Variants in CCNB2 observed in about 807,000 individuals in gnomAD.
CCNB2 encodes cyclin B2, also known as G2/mitotic-specific cyclin-B2.
A neutral mutation model predicts 51.1 loss-of-function variants in CCNB2; 39 were observed. That is an observed-to-expected ratio of 0.76 (90% confidence interval 0.59 to 1.00). CCNB2 has a LOEUF of 1.00. Among genes scored for constraint, CCNB2 ranks in the 50% least tolerant of loss-of-function variants. CCNB2 has a pLI of 0.00. For synonymous variants in CCNB2, 174 were observed against 165.5 expected (o/e 1.05, Z -0.40); for missense variants, 472 against 470.3 (o/e 1.00, Z -0.03).
At chr15:59,108,021 C>T (rs552921520) in intron 3 of CCNB2, among the ~76,000 whole-genome samples, 67 of 151,898 alleles carry the variant, frequency 4.4e-4, no homozygotes, top group African/African-American at 1.4e-3. Context: ...ATAAATATTA[C>T]GACCCTGAAT....
rs1056912286 is a variant in CCNB2 at position 59,118,670 on chromosome 15, C to T, written c.975+1302C>T. Among the ~76,000 whole-genome samples, 3 of 152,150 alleles carry T rather than the reference C, an allele frequency of 2.0e-5. No individual in the cohort carries two copies. The East Asian group carries it at 5.8e-4, about 29-fold the overall frequency. ...CTGCACTCCAGCCTGGCGGACAGGG[C>T]GAGACTCTGTCTCCAAAAAAAATAT... On this transcript the variant is annotated intron_variant, in intron 7 of 8. Transcript: ENST00000288207.
intron 3 of CCNB2, among the ~76,000 whole-genome samples, chr15:59,112,305 A>G (rs1316925862): frequency 6.6e-6 from 1 of 151,760 alleles, no homozygotes; most frequent in Non-Finnish European, 1.5e-5. Context: ...GCATCCTCGA[A>G]GACTGGAAAT....
chr15:59,122,392 T>A (rs1209627870), intron 7 of CCNB2, among the ~76,000 whole-genome samples: 1 of 151,320 alleles, frequency 6.6e-6, no homozygotes, highest in East Asian at 1.9e-4. Context: ...GCCCGGGGAA[T>A]TTATGTATTT....
chr15:59,105,160 C>A lies in CCNB2; in HGVS notation c.-109C>A. The A allele has an allele frequency of 2.9e-6, 3 of 1,031,344 alleles. No homozygotes were observed. The highest frequency in any genetic ancestry group is 4.2e-6 in the Non-Finnish European group (3 of 706,108). 63.9% of individuals were successfully genotyped at this position (1,031,344 alleles called of 1,614,324 possible). ...GCTACAGCGTCGAAGATCCCCAGCG[C>A]TGCGGGCTCGGAGAGCAGTCCTAAC... On this transcript the variant is annotated 5_prime_UTR_variant, in exon 1 of 9. In the 5' UTR this introduces an upstream ATG that the reference lacks. Coordinates refer to ENST00000288207, the MANE Select transcript of CCNB2 (RefSeq NM_004701.4).
chr15:59,105,292 G>C lies in CCNB2; in HGVS notation c.24G>C (p.Thr8=). The C allele has an allele frequency of 6.4e-7, 1 of 1,563,370 alleles. No homozygotes were observed. Among genetic ancestry groups the C allele is most frequent in the South Asian group, 1.2e-5 (1 of 85,404 alleles). Reference sequence around the variant, plus strand: ...TCATGGCGCTGCTCCGACGCCCGACGGTGAGTGTGCCCGGGGACCGCTCTC... The same window carrying C: ...TCATGGCGCTGCTCCGACGCCCGACCGTGAGTGTGCCCGGGGACCGCTCTC... MALLRRP[T]VSSDLENIDT... is the part of the protein sequence containing the mutation. The change falls in exon 1 of 9, where the codon ACG becomes ACC. Residue 8 remains threonine, a splice_region_variant and synonymous_variant. Transcript: ENST00000288207.
Position 59,124,860 on chromosome 15 carries a change from C to T in CCNB2, c.1180C>T (p.Leu394=), listed in dbSNP as rs1273629540. Residue 394 remains leucine (L), a synonymous_variant, in exon 9 of 9, where the codon CTG becomes TTG. Coordinates refer to ENST00000288207, the MANE Select transcript of CCNB2 (RefSeq NM_004701.4). Reference sequence around the variant, plus strand: ...AGCCGTCAAAGACCTTGCCTCCCCACTGATAGGAAGGTCCTAGGCTGCCGT... The same window carrying T: ...AGCCGTCAAAGACCTTGCCTCCCCATTGATAGGAAGGTCCTAGGCTGCCGT... ...SKAVKDLASP[L]IGRS The T allele has an allele frequency of 1.3e-6, 2 of 1,595,812 alleles. No homozygotes were observed. Among genetic ancestry groups the T allele is most frequent in the Admixed American group, 3.5e-5 (2 of 57,664 alleles).
At chr15:59,113,843 G>A (rs1209701936) in intron 3 of CCNB2, among the ~76,000 whole-genome samples, 3 of 152,148 alleles carry the variant, frequency 2.0e-5, no homozygotes, top group Non-Finnish European at 4.4e-5. Flanking sequence ...GGGACTACAG[G>A]GGCGCACCAT....
At chr15:59,105,673 C>A (rs1206339939) in intron 1 of CCNB2, among the ~76,000 whole-genome samples, 2 of 152,218 alleles carry the variant, frequency 1.3e-5, no homozygotes, top group Non-Finnish European at 2.9e-5. Flanking sequence ...TTTCTTACAA[C>A]TCCTTGCCAA....
rs2079308316 is a variant in CCNB2 at position 59,122,672 on chromosome 15, G to A, written c.976-845G>A. Among the ~76,000 whole-genome samples, 3 of 151,798 alleles carry A rather than the reference G, an allele frequency of 2.0e-5. 1 individual carries two copies. Among genetic ancestry groups the A allele is most frequent in the South Asian group, 4.2e-4 (2 of 4,788 alleles). Reference sequence around the variant, plus strand: ...CCTCCTCAGCTCCTCAAGTAACTGGGACTATAGGTGTACACCACCAAGCTT... The same window carrying A: ...CCTCCTCAGCTCCTCAAGTAACTGGAACTATAGGTGTACACCACCAAGCTT... On this transcript the variant is annotated intron_variant, in intron 7 of 8. Transcript: ENST00000288207.
At position 59,107,302 on chromosome 15, in the gene CCNB2, C is replaced by CTTTTT; in HGVS notation, c.25-8_25-4dup. The stretch of plus-strand genomic sequence containing the variant: ...TTCAAATTCTTTCAAGGTTTCATTA[C>CTTTTT]TTTTTTTTTTTTTTTTCAGGTGTCC... On this transcript the variant is annotated intron_variant, in intron 1 of 8. Coordinates refer to ENST00000288207, the MANE Select transcript of CCNB2 (RefSeq NM_004701.4). 16 of 1,387,910 alleles carry CTTTTT rather than the reference C, an allele frequency of 1.2e-5. No homozygotes were observed. The highest frequency in any genetic ancestry group is 7.2e-5 in the Admixed American group (3 of 41,736). The allele number at this position is 1,387,910 out of a possible 1,614,324, so 86.0% of individuals were successfully genotyped here. A position where few individuals can be genotyped will look rare whatever the true frequency, so the allele number is the denominator to read the frequency against.
chr15:59,108,359 TGAG>T (rs1267985496), intron 3 of CCNB2, among the ~76,000 whole-genome samples: 1 of 152,204 alleles, frequency 6.6e-6, no homozygotes, highest in African/African-American at 2.4e-5. Flanking sequence ...AACAAAGTTT[TGAG>T]GAGTACCGAA....
chr15:59,105,311 C>G lies in CCNB2; in HGVS notation c.24+19C>G, dbSNP rs1396074981. 3 of 1,555,310 alleles carry G rather than the reference C, an allele frequency of 1.9e-6. No individual in the cohort carries two copies. Among genetic ancestry groups the G allele is most frequent in the Non-Finnish European group, 2.6e-6 (3 of 1,153,842 alleles). On this transcript the variant is annotated intron_variant, in intron 1 of 8. Transcript: ENST00000288207. ...CCCGACGGTGAGTGTGCCCGGGGAC[C>G]GCTCTCAGAGGCGAGTCCGTCGGCC...
At chr15:59,110,756 C>A (rs375166348) in intron 3 of CCNB2, among the ~76,000 whole-genome samples, 9 of 152,154 alleles carry the variant, frequency 5.9e-5, no homozygotes, top group African/African-American at 2.2e-4. Flanking sequence ...TGGCTGAGAC[C>A]TCGGAAGAGT....
At chr15:59,117,043 C>A in intron 6 of CCNB2, 117 bp downstream of exon 6, 1 of 991,372 alleles carries the variant, frequency 1.0e-6, no homozygotes, top group Non-Finnish European at 1.5e-6. Flanking sequence ...AGTCTTAATG[C>A]TTTCCTCATC....
chr15:59,123,753 C>G (rs563812356), intron 8 of CCNB2, 126 bp downstream of exon 8: 1 of 646,852 alleles, frequency 1.5e-6, no homozygotes, highest in Admixed American at 2.5e-5. Context: ...AGTTTTAGCA[C>G]AAATCCTTTA....
At chr15:59,120,439 A>G (rs2079297624) in intron 7 of CCNB2, among the ~76,000 whole-genome samples, 1 of 152,162 alleles carries the variant, frequency 6.6e-6, no homozygotes, top group South Asian at 2.1e-4. Context: ...GCATTGACCT[A>G]TGATTGCACC....
In CCNB2 at chr15:59,114,400, A is replaced by G. The variant is rs985921592; in HGVS notation, c.268-44A>G. On this transcript the variant is annotated intron_variant, in intron 3 of 8. Transcript: ENST00000288207. Reference sequence around the variant, plus strand: ...AAGCCAGTTGGCTCTGCATGTATTTATGGTTAAGGCTGCTCCTACATGTGC... The same window carrying G: ...AAGCCAGTTGGCTCTGCATGTATTTGTGGTTAAGGCTGCTCCTACATGTGC... The G allele has an allele frequency of 6.1e-6, 9 of 1,468,454 alleles. No homozygotes were observed. In the East Asian group the frequency reaches 1.8e-4, roughly 30 times the overall value. 91.0% of individuals were successfully genotyped at this position (1,468,454 alleles called of 1,614,324 possible).
At chr15:59,121,020 G>C (rs1424614798) in intron 7 of CCNB2, 2 of 147,416 alleles carry the variant, frequency 1.4e-5, no homozygotes, top group Non-Finnish European at 3.0e-5. Context: ...CATTTTAAAA[G>C]GAACTGCCTC....
At position 59,116,670 on chromosome 15, in the gene CCNB2, T is replaced by A; in HGVS notation, c.598-20T>A. On this transcript the variant is annotated intron_variant, in intron 5 of 8. Transcript: ENST00000288207. ...CTCTTCTTGTTAGGTGTGACTTTTG[T>A]TACATTAATTTTCCATTAGGTTCAG... The A allele has an allele frequency of 1.3e-6, 2 of 1,554,040 alleles. No individual in the cohort carries two copies. The highest frequency in any genetic ancestry group is 1.1e-5 in the South Asian group (1 of 89,398).
Sources: gnomAD v4.1 joint callset for allele counts (sites outside exome capture counted in the v4.1 genomes callset) on GRCh38, gnomAD v4.1.1 for gene constraint, MANE v1.5 for transcripts, NCBI Gene and HGNC (gene_info 2026-07-23, HGNC 2026-07-21) for gene names.